The following EYA1 variants were observed in gnomAD, a reference collection of about 807,000 sequenced individuals.
EYA1 encodes the protein protein phosphatase EYA1.
Under a neutral mutation model 82.0 loss-of-function variants are expected in EYA1, and 16 were observed. The observed-to-expected ratio is 0.20, with a 90% CI of 0.13 to 0.30. The LOEUF (loss-of-function observed/expected upper bound fraction) is 0.30, where lower values mean the gene tolerates loss of function less well. Ranked by LOEUF, EYA1 falls within the 10% of genes least tolerant of loss-of-function variation. EYA1 has a pLI of 1.00. For missense variants in EYA1, 633 were observed against 730.7 expected (o/e 0.87, Z 1.54); for synonymous variants, 261 against 264.4 (o/e 0.99, Z 0.12).
rs568779440 is a variant in EYA1 at position 71,264,753 on chromosome 8, AT to A, written c.1050+4986del. Among the ~76,000 whole-genome samples, 19 of 147,196 alleles carry A rather than the reference AT, an allele frequency of 1.3e-4. No individual in the cohort carries two copies. The South Asian group carries it at 2.8e-3, about 22-fold the overall frequency. On this transcript the variant is annotated intron_variant, in intron 11 of 17. Transcript: ENST00000340726. ...GCCACCACACCCAGCTAATTTTTGT[AT>A]TTTTTTTTTGTAGCGATGGACTCTT... is the stretch of plus-strand genomic sequence containing the variant.
chr8:71,450,835 C>T lies in EYA1; in HGVS notation c.33+84909G>A, dbSNP rs538659208. ...GCAATCTGTGGATACTGGAATTAGCCAAAATTATAACCATAAATGCATGGG... is the reference window on the plus strand; with the variant it reads ...GCAATCTGTGGATACTGGAATTAGCTAAAATTATAACCATAAATGCATGGG... On this transcript the variant is annotated intron_variant, in intron 2 of 18. Transcript: ENST00000643681. Among the ~76,000 whole-genome samples the T allele has an allele frequency of 8.5e-5, 13 of 152,260 alleles. No individual in the cohort carries two copies. The South Asian group carries it at 1.2e-3, about 15-fold the overall frequency.
intron 4 of EYA1, among the ~76,000 whole-genome samples, chr8:71,332,653 T>C (rs1182751568): frequency 1.3e-5 from 2 of 152,198 alleles, no homozygotes; most frequent in East Asian, 3.9e-4. Context: ...GTGGCCATAA[T>C]TCTGTCCTAT....
chr8:71,500,110 C>T (rs1811708863), intron 2 of EYA1, among the ~76,000 whole-genome samples: 1 of 151,958 alleles, frequency 6.6e-6, no homozygotes, highest in Non-Finnish European at 1.5e-5. Flanking sequence ...AAAGGGATGC[C>T]AAGAAAGCAT....
At chr8:71,299,823 T>A (rs1427995209) in intron 7 of EYA1, 103 bp from the exon 8 acceptor site, 1 of 748,302 alleles carries the variant, frequency 1.3e-6, no homozygotes, top group Non-Finnish European at 2.4e-6. Context: ...TTGGTTTATC[T>A]TCGACACTAG....
At chr8:71,434,192 G>C (rs116144751) in intron 2 of EYA1, among the ~76,000 whole-genome samples, 1 of 152,164 alleles carries the variant, frequency 6.6e-6, no homozygotes, top group African/African-American at 2.4e-5. Context: ...ACCTACCCTC[G>C]ATGAGACTAA....
Position 71,297,727 on chromosome 8 carries a change from T to C in EYA1, c.826+1320A>G, listed in dbSNP as rs149856561. ...GAACTCCTATAATAAATTCAATGCATTCTATAATAAAATTTGTCTTCAGTG... is the reference window on the plus strand; with the variant it reads ...GAACTCCTATAATAAATTCAATGCACTCTATAATAAAATTTGTCTTCAGTG... On this transcript the variant is annotated intron_variant, in intron 9 of 17. Transcript: ENST00000340726. 5.0e-3 allele frequency among the ~76,000 whole-genome samples: 759 copies of C among 152,282 alleles called. 9 individuals are homozygous for C. The highest frequency in any genetic ancestry group is 0.016 in the African/African-American group (684 of 41,578).
chr8:71,356,605 C>T, intron 1 of EYA1, 94 bp from the exon 2 acceptor site: 5 of 1,449,526 alleles, frequency 3.4e-6, no homozygotes, highest in Non-Finnish European at 4.5e-6. Context: ...AACGACAATG[C>T]TCTCTTTTAA....
Position 71,361,752 on chromosome 8 carries a change from G to C in EYA1, c.-160C>G, listed in dbSNP as rs985229393. 1.4e-5 allele frequency: 14 copies of C among 985,504 alleles called. No individual in the cohort carries two copies. The African/African-American group carries it at 2.1e-4, about 15-fold the overall frequency. The allele number at this position is 985,504 out of a possible 1,614,324, so 61.0% of individuals were successfully genotyped here. A position where few individuals can be genotyped will look rare whatever the true frequency, so the allele number is the denominator to read the frequency against. On this transcript the variant is annotated 5_prime_UTR_variant, in exon 1 of 18. Coordinates refer to ENST00000340726, the MANE Select transcript of EYA1 (RefSeq NM_000503.6). ...GTTTTGCTCCTGGATGGGTACGCGC[G>C]GGGGCTCTCAGGCGCTCTGGTGCAG...
At chr8:71,262,449 T>C (rs772573193) in intron 11 of EYA1, among the ~76,000 whole-genome samples, 3 of 152,174 alleles carry the variant, frequency 2.0e-5, no homozygotes, top group Non-Finnish European at 4.4e-5. Flanking sequence ...CAATAAATAA[T>C]AGCTCTTGTT....
chr8:71,540,130 A>AC (rs1815029553), intron 1 of EYA1, among the ~76,000 whole-genome samples: 1 of 13,580 alleles, frequency 7.4e-5, no homozygotes, highest in African/African-American at 2.9e-3. Flanking sequence ...TACATAAAAT[A>AC]AAAAAAAATC....
At chr8:71,214,039 A>G (rs957613232) in intron 16 of EYA1, among the ~76,000 whole-genome samples, 7 of 152,188 alleles carry the variant, frequency 4.6e-5, no homozygotes, top group Admixed American at 3.9e-4. Context: ...TTTAGTAATC[A>G]TTTAGTAAAT....
At chr8:71,299,822 C>T in intron 7 of EYA1, 102 bp from the exon 8 acceptor site, 1 of 749,138 alleles carries the variant, frequency 1.3e-6, no homozygotes. Context: ...TTTGGTTTAT[C>T]TTCGACACTA....
At chr8:71,221,915 G>C (rs1315330459) in intron 12 of EYA1, among the ~76,000 whole-genome samples, 1 of 152,162 alleles carries the variant, frequency 6.6e-6, no homozygotes, top group African/African-American at 2.4e-5. Flanking sequence ...CACAGGCTCA[G>C]TTCCCAAGGG....
intron 7 of EYA1, among the ~76,000 whole-genome samples, chr8:71,311,326 C>T (rs1043522707): frequency 2.0e-5 from 3 of 152,204 alleles, no homozygotes; most frequent in Non-Finnish European, 2.9e-5. Context: ...AATCAGAGGC[C>T]GAAGCTGCTT....
chr8:71,236,365 T>C (rs1811834048), intron 12 of EYA1, among the ~76,000 whole-genome samples: 1 of 152,160 alleles, frequency 6.6e-6, no homozygotes, highest in Non-Finnish European at 1.5e-5. Context: ...ATGCCATACA[T>C]GTTGAAGAGG....
chr8:71,208,679 G>A (rs1808132780), intron 17 of EYA1, among the ~76,000 whole-genome samples: 1 of 151,854 alleles, frequency 6.6e-6, no homozygotes, highest in African/African-American at 2.4e-5. Flanking sequence ...GTATACCTAT[G>A]TATCAAACCT....
intron 3 of EYA1, among the ~76,000 whole-genome samples, chr8:71,349,573 A>T (rs1472439368): frequency 1.3e-5 from 2 of 152,200 alleles, no homozygotes; most frequent in African/African-American, 4.8e-5. Context: ...TAAAATGGGA[A>T]TCACACTGTA....
chr8:71,396,342 T>G (rs201373740), intron 2 of EYA1, among the ~76,000 whole-genome samples: 1 of 152,222 alleles, frequency 6.6e-6, no homozygotes, highest in Non-Finnish European at 1.5e-5. Context: ...AGCTTTTGAA[T>G]GTGTTTGCTC....
intron 9 of EYA1, among the ~76,000 whole-genome samples, chr8:71,272,716 C>T (rs934470377): frequency 6.6e-6 from 1 of 152,312 alleles, no homozygotes; most frequent in East Asian, 1.9e-4. Flanking sequence ...TTTACTCACA[C>T]CAATTTTGTA....
Sources: gnomAD v4.1 joint callset for allele counts (sites outside exome capture counted in the v4.1 genomes callset) on GRCh38, gnomAD v4.1.1 for gene constraint, MANE v1.5 for transcripts, NCBI Gene and HGNC (gene_info 2026-07-23, HGNC 2026-07-21) for gene names.